The following DNAI1 variants were observed in gnomAD, a reference collection of about 807,000 sequenced individuals.
DNAI1 encodes dynein, axonemal, intermediate polypeptide 1.
A neutral mutation model predicts 92.0 loss-of-function variants in DNAI1; 67 were observed. The observed-to-expected ratio is 0.73, with a 90% CI of 0.60 to 0.89. The LOEUF (loss-of-function observed/expected upper bound fraction) is 0.89. DNAI1 is among the 40% of genes least tolerant of loss of function. The probability of loss-of-function intolerance (pLI) is 0.00; values close to 1 mark genes in which losing one functional copy is unlikely to be tolerated. For missense variants in DNAI1, 839 were observed against 866.6 expected (o/e 0.97, Z 0.40); for synonymous variants, 323 against 319.6 (o/e 1.01, Z -0.11).
At chr9:34,497,260 C>T in intron 10 of DNAI1, 61 bp downstream of exon 10, 1 of 1,412,144 alleles carries the variant, frequency 7.1e-7, no homozygotes, top group Non-Finnish European at 1.0e-6. Context: ...CTCATAAAAG[C>T]TTGGGTTATT....
At chr9:34,511,278 TC>T (rs1825060464) in intron 13 of DNAI1, among the ~76,000 whole-genome samples, 1 of 152,220 alleles carries the variant, frequency 6.6e-6, no homozygotes, top group Admixed American at 6.5e-5. Flanking sequence ...AGACAACAGC[TC>T]TGTCTCCAAA....
At chr9:34,463,335 A>G (rs954376235) in intron 1 of DNAI1, among the ~76,000 whole-genome samples, 5 of 152,138 alleles carry the variant, frequency 3.3e-5, no homozygotes, top group African/African-American at 9.6e-5. Context: ...GAGTTAATCA[A>G]ATAACCCATG....
intron 1 of DNAI1, among the ~76,000 whole-genome samples, chr9:34,476,949 A>G (rs1177339927): frequency 6.6e-6 from 1 of 152,192 alleles, no homozygotes; most frequent in Non-Finnish European, 1.5e-5. Context: ...GAGATGAGGT[A>G]GATGCCATGT....
intron 12 of DNAI1, among the ~76,000 whole-genome samples, chr9:34,503,198 C>A (rs1162010144): frequency 6.6e-6 from 1 of 152,184 alleles, no homozygotes; most frequent in South Asian, 2.1e-4. Context: ...TATCTCAGAA[C>A]CACCTGCAGA....
At position 34,486,742 on chromosome 9, in the gene DNAI1, G is replaced by A. The variant is rs116233826; in HGVS notation, c.261+1225G>A. On this transcript the variant is annotated intron_variant, in intron 4 of 19. Transcript: ENST00000242317. ...AATTTTAGAACATTTTCACTTCCCC[G>A]CAAGGAAACCCCAAGCCACTTAGCT... is the stretch of plus-strand genomic sequence containing the variant. Among the ~76,000 whole-genome samples, 757 of 152,080 alleles carry A rather than the reference G, an allele frequency of 5.0e-3. 9 individuals carry two copies. Among genetic ancestry groups the A allele is most frequent in the African/African-American group, 0.017 (714 of 41,484 alleles).
At position 34,485,178 on chromosome 9, in the gene DNAI1, G is replaced by A; in HGVS notation, c.118G>A (p.Asp40Asn). ...DSGTEVGEGT[D>N]EWAQSKATVR... ...AGGGACTGAAGTGGGAGAAGGCACA[G>A]ATGAATGGGCCCAATCCAAAGCCAC... The change falls in exon 3 of 20, where the codon GAT becomes AAT. Residue 40 changes from aspartate (D) to asparagine (N), a missense_variant. Asp to Asn is a conservative substitution (Grantham distance 23). Transcript: ENST00000242317. 6 of 1,614,210 alleles carry A rather than the reference G, an allele frequency of 3.7e-6. No homozygotes were observed. The highest frequency in any genetic ancestry group is 5.1e-6 in the Non-Finnish European group (6 of 1,180,032).
At chr9:34,469,926 A>C (rs1468867446) in intron 1 of DNAI1, among the ~76,000 whole-genome samples, 1 of 152,212 alleles carries the variant, frequency 6.6e-6, no homozygotes, top group Non-Finnish European at 1.5e-5. Flanking sequence ...AAAGCAAAAA[A>C]CAAAACAAAA....
At chr9:34,500,699 G>T in intron 10 of DNAI1, 23 bp from the exon 11 acceptor site, 1 of 1,584,562 alleles carries the variant, frequency 6.3e-7, no homozygotes. Context: ...TCCCAGGGCT[G>T]ACTCTGCCTG....
At position 34,490,138 on chromosome 9, in the gene DNAI1, TC is replaced by T; in HGVS notation, c.501+15del. ...CCTGCAGCTGGGGTACAGTATAATA[TC>T]GCTCTGTGTCCCTCTTCTTCCAGCT... On this transcript the variant is annotated intron_variant, in intron 6 of 19. Transcript: ENST00000242317. The T allele has an allele frequency of 6.2e-7, 1 of 1,613,666 alleles. No individual in the cohort carries two copies. Among genetic ancestry groups the T allele is most frequent in the East Asian group, 2.2e-5 (1 of 44,878 alleles).
At position 34,491,561 on chromosome 9, in the gene DNAI1, C is replaced by A. The variant is rs200424920; in HGVS notation, c.681+7C>A. On this transcript the variant is annotated splice_region_variant and intron_variant, in intron 8 of 19. Coordinates refer to ENST00000242317, the MANE Select transcript of DNAI1 (RefSeq NM_012144.4). ...TTCAGCCACAGCCAATCAGGTAAGA[C>A]CCTGGGCCAGCCTGAAACCTCTTAC... 1.2e-6 allele frequency: 2 copies of A among 1,614,178 alleles called. No homozygotes were observed. The highest frequency in any genetic ancestry group is 2.2e-5 in the East Asian group (1 of 44,882).
intron 4 of DNAI1, chr9:34,489,102 T>A (rs1824529193): frequency 3.8e-6 from 2 of 523,576 alleles, no homozygotes; most frequent in Non-Finnish European, 6.7e-6. Context: ...AAATAAATCC[T>A]TGATGATAAC....
chr9:34,500,664 A>T, intron 10 of DNAI1, 58 bp from the exon 11 acceptor site: 1 of 1,215,118 alleles, frequency 8.2e-7, no homozygotes, highest in Non-Finnish European at 1.2e-6. Context: ...TAAGTGGTGG[A>T]CCTGGGTTTG....
At position 34,506,890 on chromosome 9, in the gene DNAI1, G is replaced by T. The variant is rs138397479; in HGVS notation, c.1311+16G>T. 74 of 1,611,442 alleles carry T rather than the reference G, an allele frequency of 4.6e-5. No homozygotes were observed. The African/African-American group carries it at 8.9e-4, about 19-fold the overall frequency. ...TGTGTGGCAGGTCAGCAACCAGGCT[G>T]GGAGGGGTGGGGATGGGAGCAGCAT... On this transcript the variant is annotated intron_variant, in intron 13 of 19. Transcript: ENST00000242317.
intron 10 of DNAI1, among the ~76,000 whole-genome samples, chr9:34,497,861 T>C (rs184617436): frequency 3.3e-5 from 5 of 152,308 alleles, no homozygotes; most frequent in African/African-American, 9.6e-5. Flanking sequence ...GAATGGACTC[T>C]GGGGACAAGG....
intron 1 of DNAI1, among the ~76,000 whole-genome samples, chr9:34,464,753 T>C (rs2132039505): frequency 2.0e-5 from 3 of 152,314 alleles, no homozygotes; most frequent in Non-Finnish European, 4.4e-5. Flanking sequence ...GTGGCCATGA[T>C]GACGTCAGAA....
chr9:34,472,696 G>A lies in DNAI1; in HGVS notation c.49-10752G>A, dbSNP rs547099076. 5.9e-5 allele frequency among the ~76,000 whole-genome samples: 9 copies of A among 152,244 alleles called. No individual in the cohort carries two copies. The East Asian group carries it at 1.7e-3, about 29-fold the overall frequency. ...GCAGAAGGATCACTTGAGGCCAGAA[G>A]TTTGAGACCAGCCTGGGCAACATAG... On this transcript the variant is annotated intron_variant, in intron 1 of 19. Transcript: ENST00000242317.
chr9:34,516,600 TATAAA>T, intron 18 of DNAI1, among the ~76,000 whole-genome samples: 1 of 152,204 alleles, frequency 6.6e-6, no homozygotes, highest in South Asian at 2.1e-4. Context: ...ACTCCTCCGT[TATAAA>T]ATAAAGATAA....
chr9:34,477,624 A>G (rs924531771), intron 1 of DNAI1, among the ~76,000 whole-genome samples: 1 of 152,180 alleles, frequency 6.6e-6, no homozygotes, highest in African/African-American at 2.4e-5. Context: ...AAGATATTAA[A>G]GAAATAGAAT....
At chr9:34,472,011 G>A (rs1012766406) in intron 1 of DNAI1, among the ~76,000 whole-genome samples, 1 of 151,952 alleles carries the variant, frequency 6.6e-6, no homozygotes, top group African/African-American at 2.4e-5. Context: ...AGATGCACAG[G>A]CTCCTTTCTA....
Sources: allele counts gnomAD v4.1 joint callset (sites outside exome capture counted in the v4.1 genomes callset), GRCh38; gene constraint gnomAD v4.1.1; transcripts MANE v1.5; gene names NCBI Gene and HGNC (gene_info 2026-07-23, HGNC 2026-07-21).